Variants in GNAL observed in about 807,000 individuals in gnomAD.
GNAL encodes guanine nucleotide-binding protein G(olf) subunit alpha.
GNAL carries 18 observed loss-of-function variants against 55.1 expected under a neutral mutation model. The ratio of observed to expected loss-of-function variants is 0.33; its 90% CI spans 0.23 to 0.48. The LOEUF (loss-of-function observed/expected upper bound fraction) is 0.48, where lower values mean the gene tolerates loss of function less well. Ranked by LOEUF, GNAL falls within the 20% of genes least tolerant of loss-of-function variation. GNAL has a pLI of 0.99. For synonymous variants in GNAL, 253 were observed against 237.0 expected (o/e 1.07, Z -0.62); for missense variants, 412 against 614.1 (o/e 0.67, Z 3.48).
At chr18:11,738,621 G>A (rs1219008096) in intron 1 of GNAL, among the ~76,000 whole-genome samples, 3 of 152,030 alleles carry the variant, frequency 2.0e-5, no homozygotes, top group Non-Finnish European at 4.4e-5. Context: ...CTAATTTTTT[G>A]TATTTTCACT....
intron 1 of GNAL, among the ~76,000 whole-genome samples, chr18:11,736,673 G>T (rs900266774): frequency 6.6e-6 from 1 of 152,194 alleles, no homozygotes; most frequent in African/African-American, 2.4e-5. Context: ...CATGTCAACT[G>T]CAGGGTGTAA....
In GNAL at chr18:11,868,467, T is replaced by G; in HGVS notation, c.911-76T>G. On this transcript the variant is annotated intron_variant, in intron 8 of 11. Coordinates refer to ENST00000334049, the MANE Select transcript of GNAL (RefSeq NM_182978.4). The surrounding 1 kb of genome is among the most constrained non-coding windows in gnomAD (Gnocchi z 4.0). Reference sequence around the variant, plus strand: ...GAATGTTTTTGTGGAACTGAGTAGCTGCTGGGTGTGTACTTTCTTGTAACT... The same window carrying G: ...GAATGTTTTTGTGGAACTGAGTAGCGGCTGGGTGTGTACTTTCTTGTAACT... 1.6e-6 allele frequency: 2 copies of G among 1,234,892 alleles called. No homozygotes were observed. The highest frequency in any genetic ancestry group is 1.1e-6 in the Non-Finnish European group (1 of 870,954). 76.5% of individuals were successfully genotyped at this position (1,234,892 alleles called of 1,614,324 possible).
rs1124043 is a variant in GNAL, at chr18:11,755,646, T to C, written c.624+1701T>C. Among the ~76,000 whole-genome samples the C allele has an allele frequency of 7.9e-3, 1,201 of 152,296 alleles. 14 individuals are homozygous for C. Among genetic ancestry groups the C allele is most frequent in the African/African-American group, 0.028 (1,164 of 41,558 alleles). On this transcript the variant is annotated intron_variant, in intron 4 of 11. Transcript: ENST00000334049. ...TTTTTGCTTCTGATAAGCATGCCAGTGTAGAGCCAGTGATATCTGTAGAAT... is the reference window on the plus strand; with the variant it reads ...TTTTTGCTTCTGATAAGCATGCCAGCGTAGAGCCAGTGATATCTGTAGAAT...
At chr18:11,691,921 T>A (rs2031261419) in intron 1 of GNAL, among the ~76,000 whole-genome samples, 1 of 152,160 alleles carries the variant, frequency 6.6e-6, no homozygotes, top group Non-Finnish European at 1.5e-5. Flanking sequence ...AAATGCTTGC[T>A]CTCCTAGTAG....
rs539092085 is a variant in GNAL at position 11,694,428 on chromosome 18, G to T, written c.376+4489G>T. 2.6e-5 allele frequency among the ~76,000 whole-genome samples: 4 copies of T among 152,326 alleles called. No homozygotes were observed. In the East Asian group the frequency reaches 7.7e-4, roughly 29 times the overall value. On this transcript the variant is annotated intron_variant, in intron 1 of 11. Transcript: ENST00000334049. Reference sequence around the variant, plus strand: ...ACACAATCCTCTGGCAACAACACAAGAATCTGGGAGCCACTGTGACTATGA... The same window carrying T: ...ACACAATCCTCTGGCAACAACACAATAATCTGGGAGCCACTGTGACTATGA...
At chr18:11,830,631 C>G (rs1249797011) in intron 5 of GNAL, among the ~76,000 whole-genome samples, 1 of 152,038 alleles carries the variant, frequency 6.6e-6, no homozygotes, top group African/African-American at 2.4e-5. Flanking sequence ...TAGGTGTAAA[C>G]CCAAGAGAAT....
At chr18:11,776,559 TTAAC>T (rs369855852) in intron 4 of GNAL, among the ~76,000 whole-genome samples, 16 of 151,892 alleles carry the variant, frequency 1.1e-4, no homozygotes, top group African/African-American at 3.6e-4. Context: ...AATTTTAAAA[TTAAC>T]TACCCATGCT....
At chr18:11,749,776 C>T (rs2032772517) in intron 1 of GNAL, among the ~76,000 whole-genome samples, 1 of 152,138 alleles carries the variant, frequency 6.6e-6, no homozygotes, top group African/African-American at 2.4e-5. Context: ...GGAAGGATAA[C>T]TAGGGGGGTT....
At chr18:11,848,051 A>G (rs1158159774) in intron 5 of GNAL, among the ~76,000 whole-genome samples, 1 of 152,150 alleles carries the variant, frequency 6.6e-6, no homozygotes, top group Non-Finnish European at 1.5e-5. Context: ...ATTTGGGGGA[A>G]AGGACTGAGT....
intron 1 of GNAL, among the ~76,000 whole-genome samples, chr18:11,722,632 A>G (rs941864928): frequency 5.9e-5 from 9 of 152,186 alleles, no homozygotes; most frequent in Admixed American, 2.0e-4. Flanking sequence ...GCAATTTGGG[A>G]GGCCAAGGTG....
chr18:11,718,951 T>G (rs898366262), intron 1 of GNAL, among the ~76,000 whole-genome samples: 1 of 152,182 alleles, frequency 6.6e-6, no homozygotes, highest in Non-Finnish European at 1.5e-5. Context: ...AAAGCAAATT[T>G]AATATGAATT....
chr18:11,809,259 A>G (rs1403538637), intron 4 of GNAL, among the ~76,000 whole-genome samples: 4 of 130,350 alleles, frequency 3.1e-5, no homozygotes, highest in African/African-American at 1.3e-4. Context: ...CTCTATCTCA[A>G]AAAAAAAAAG....
chr18:11,720,628 T>C (rs2032072733), intron 1 of GNAL, among the ~76,000 whole-genome samples: 1 of 152,264 alleles, frequency 6.6e-6, no homozygotes, highest in Non-Finnish European at 1.5e-5. Flanking sequence ...ATCTGCCTTC[T>C]GGCATTGCAT....
intron 1 of GNAL, among the ~76,000 whole-genome samples, chr18:11,704,382 T>C (rs1325125411): frequency 6.6e-5 from 10 of 152,384 alleles, no homozygotes; most frequent in African/African-American, 2.4e-4. Context: ...CCCTTTGCTG[T>C]GGCTTCACTA....
chr18:11,701,072 T>C (rs1056384047), intron 1 of GNAL, among the ~76,000 whole-genome samples: 6 of 152,200 alleles, frequency 3.9e-5, no homozygotes, highest in African/African-American at 1.4e-4. Context: ...AAGTTCACTG[T>C]GTTGTTGAAG....
chr18:11,723,869 A>C (rs1279438523), intron 1 of GNAL, among the ~76,000 whole-genome samples: 2 of 152,220 alleles, frequency 1.3e-5, no homozygotes, highest in African/African-American at 4.8e-5. Context: ...CCCACTCTGC[A>C]CAGACCCTTT....
intron 4 of GNAL, among the ~76,000 whole-genome samples, chr18:11,791,582 A>C (rs990754497): frequency 9.2e-5 from 14 of 152,334 alleles, no homozygotes; most frequent in African/African-American, 3.4e-4. Context: ...ACACTATCTT[A>C]ATAAGATACT....
intron 4 of GNAL, among the ~76,000 whole-genome samples, chr18:11,818,090 G>C (rs373777674): frequency 6.6e-6 from 1 of 151,666 alleles, no homozygotes; most frequent in Non-Finnish European, 1.5e-5. Context: ...AAAATTAGCC[G>C]GGTGTGGTGG....
chr18:11,851,337 C>G lies in GNAL; in HGVS notation c.723-11058C>G. Reference sequence around the variant, plus strand: ...CAGGCCCCACCCCGGCGCCTTCCGTCCCGCAGGCTCCGCCTTTGGCGCTGG... The same window carrying G: ...CAGGCCCCACCCCGGCGCCTTCCGTGCCGCAGGCTCCGCCTTTGGCGCTGG... On this transcript the variant is annotated intron_variant, in intron 5 of 11. Transcript: ENST00000334049. The G allele has an allele frequency of 3.7e-6, 3 of 820,184 alleles. No individual in the cohort carries two copies. In the South Asian group the frequency reaches 6.4e-5, roughly 17 times the overall value. The allele number at this position is 820,184 out of a possible 1,614,324, so 50.8% of individuals were successfully genotyped here.
Sources: gnomAD v4.1 joint callset for allele counts (sites outside exome capture counted in the v4.1 genomes callset) on GRCh38, gnomAD v4.1.1 for gene constraint, Gnocchi (gnomAD v3.1) non-coding constraint, MANE v1.5 for transcripts, NCBI Gene and HGNC (gene_info 2026-07-23, HGNC 2026-07-21) for gene names.